Variants in AGBL1 observed in about 807,000 individuals in gnomAD.
AGBL1 encodes the protein AGBL carboxypeptidase 1.
In AGBL1, 130 loss-of-function variants were observed where a neutral mutation model predicts 118.9. The observed-to-expected ratio is 1.09, with a 90% confidence interval of 0.95 to 1.26. AGBL1 has a LOEUF of 1.26. Ranked by LOEUF, AGBL1 falls within the 50% of genes most tolerant of loss-of-function variation. The pLI is 0.00. For synonymous variants in AGBL1, 555 were observed against 478.9 expected, an observed-to-expected ratio of 1.16 and a Z score of -2.08; for missense variants, 1,584 against 1,298.1, an observed-to-expected ratio of 1.22 and a Z score of -3.38.
chr15:86,524,862 T>C (rs2083241755), intron 19 of AGBL1, among the ~76,000 whole-genome samples: 1 of 152,174 alleles, frequency 6.6e-6, no homozygotes. Flanking sequence ...AAGTGGATTC[T>C]TTTCTCTTAA....
At chr15:86,082,367 G>T (rs1178660390) in intron 1 of AGBL1, among the ~76,000 whole-genome samples, 1 of 152,196 alleles carries the variant, frequency 6.6e-6, no homozygotes, top group Non-Finnish European at 1.5e-5. Context: ...TGTGCACAAG[G>T]TGACAGACAG....
At position 86,115,355 on chromosome 15, in the gene AGBL1, C is replaced by T. The variant is rs552873238; in HGVS notation, c.52-26649C>T. Among the ~76,000 whole-genome samples the T allele has an allele frequency of 3.3e-5, 5 of 152,304 alleles. No individual in the cohort carries two copies. In the South Asian group the frequency reaches 1.0e-3, roughly 32 times the overall value. On this transcript the variant is annotated intron_variant, in intron 1 of 22. Coordinates refer to ENST00000614907, the MANE Select transcript of AGBL1 (RefSeq NM_001386094.1). The stretch of plus-strand genomic sequence containing the variant: ...CCACTAGGTTGTGCTAGAGTATAAA[C>T]ATAGCACGATGTGCATTTCCTGGCA...
At chr15:86,783,910 C>G (rs953011982) in intron 22 of AGBL1, among the ~76,000 whole-genome samples, 1 of 152,152 alleles carries the variant, frequency 6.6e-6, no homozygotes, top group Non-Finnish European at 1.5e-5. Flanking sequence ...GGATTACAGG[C>G]GTGAGCCACC....
At chr15:86,269,860 T>A in intron 13 of AGBL1, 59 bp from the exon 14 acceptor site, 1 of 1,580,738 alleles carries the variant, frequency 6.3e-7, no homozygotes, top group Non-Finnish European at 8.6e-7. Context: ...ATTCTTAGTG[T>A]CTGAAGTTTA....
intron 17 of AGBL1, among the ~76,000 whole-genome samples, chr15:86,302,719 C>T (rs1433996999): frequency 1.4e-5 from 2 of 140,344 alleles, no homozygotes; most frequent in African/African-American, 5.3e-5. Flanking sequence ...GTGGAGGTTA[C>T]AGTGAGCTGA....
intron 21 of AGBL1, among the ~76,000 whole-genome samples, chr15:86,668,679 A>G (rs1042618572): frequency 6.6e-6 from 1 of 152,096 alleles, no homozygotes; most frequent in African/African-American, 2.4e-5. Context: ...CAGATACTAA[A>G]CCCTGTTCAC....
intron 7 of AGBL1, among the ~76,000 whole-genome samples, chr15:86,248,264 C>T (rs1297361550): frequency 6.6e-6 from 1 of 152,176 alleles, no homozygotes; most frequent in African/African-American, 2.4e-5. Flanking sequence ...TTGCAGTGAG[C>T]CGAGATCGCA....
intron 11 of AGBL1, among the ~76,000 whole-genome samples, 157 bp from the exon 12 acceptor site, chr15:86,266,217 A>G (rs1402128787): frequency 1.3e-5 from 2 of 152,188 alleles, no homozygotes; most frequent in African/African-American, 2.4e-5. Flanking sequence ...GGGCAGGGCT[A>G]TTTGTATGCT....
At chr15:86,480,700 G>A (rs1017509304) in intron 18 of AGBL1, among the ~76,000 whole-genome samples, 1 of 151,884 alleles carries the variant, frequency 6.6e-6, no homozygotes, top group Non-Finnish European at 1.5e-5. Context: ...CTGTCATACA[G>A]ACTCAAGCAG....
At chr15:86,321,005 C>A (rs1347499465) in intron 17 of AGBL1, among the ~76,000 whole-genome samples, 2 of 151,972 alleles carry the variant, frequency 1.3e-5, no homozygotes, top group Admixed American at 6.6e-5. Context: ...TTTGCTTTTA[C>A]TTTGTTTAGG....
intron 21 of AGBL1, among the ~76,000 whole-genome samples, chr15:86,560,235 C>T (rs1164045682): frequency 6.6e-6 from 1 of 151,782 alleles, no homozygotes; most frequent in African/African-American, 2.4e-5. Flanking sequence ...TGGTGTGCTA[C>T]ACCCATTAAC....
At chr15:86,884,434 C>T (rs961121541) in intron 22 of AGBL1, among the ~76,000 whole-genome samples, 1 of 152,158 alleles carries the variant, frequency 6.6e-6, no homozygotes, top group Admixed American at 6.5e-5. Context: ...GTTTTTGGAC[C>T]GAGGTTGACC....
intron 23 of AGBL1, among the ~76,000 whole-genome samples, chr15:86,944,833 G>T (rs1243902095): frequency 3.3e-5 from 5 of 152,118 alleles, no homozygotes; most frequent in Non-Finnish European, 5.9e-5. Context: ...GAATCTTTAA[G>T]ATAGAGTGAC....
chr15:86,867,937 A>C (rs1263860386), intron 22 of AGBL1, among the ~76,000 whole-genome samples: 1 of 152,206 alleles, frequency 6.6e-6, no homozygotes, highest in African/African-American at 2.4e-5. Flanking sequence ...GAATAAAGGA[A>C]ATAGCAATCG....
chr15:86,725,736 T>G (rs2086808793), intron 22 of AGBL1, among the ~76,000 whole-genome samples: 1 of 152,154 alleles, frequency 6.6e-6, no homozygotes, highest in Non-Finnish European at 1.5e-5. Context: ...ACATTGTGAG[T>G]TGTGTTCTGA....
At chr15:86,625,004 C>A (rs1467537876) in intron 21 of AGBL1, among the ~76,000 whole-genome samples, 1 of 152,132 alleles carries the variant, frequency 6.6e-6, no homozygotes, top group East Asian at 1.9e-4. Flanking sequence ...TTTGGCAGTG[C>A]CCGTGAGTGA....
At chr15:86,344,103 C>CAA (rs1446443334) in intron 17 of AGBL1, among the ~76,000 whole-genome samples, 1 of 152,162 alleles carries the variant, frequency 6.6e-6, no homozygotes, top group African/African-American at 2.4e-5. Flanking sequence ...ACTGGAGGGC[C>CAA]ATTTGAGTTG....
At chr15:86,987,225 T>TATG (rs1461165033) in intron 23 of AGBL1, among the ~76,000 whole-genome samples, 2 of 152,224 alleles carry the variant, frequency 1.3e-5, no homozygotes, top group Non-Finnish European at 2.9e-5. Flanking sequence ...TCACAGGGGA[T>TATG]ATGATGGCTT....
chr15:86,364,988 TACAC>T lies in AGBL1; in HGVS notation c.2375-32370_2375-32367del, dbSNP rs1226981308. On this transcript the variant is annotated intron_variant, in intron 17 of 22. Transcript: ENST00000614907. ...ATATATATATATATATATATATATA[TACAC>T]ACACACATATATATATACACACACA... Among the ~76,000 whole-genome samples the T allele has an allele frequency of 2.8e-3, 294 of 103,530 alleles. 7 individuals carry two copies. The highest frequency in any genetic ancestry group is 3.7e-3 in the Admixed American group (39 of 10,536). 67.9% of individuals were successfully genotyped at this position (103,530 alleles called of 152,430 possible). A position where few individuals can be genotyped will look rare whatever the true frequency, so the allele number is the denominator to read the frequency against.
Sources: gnomAD v4.1 joint callset for allele counts (sites outside exome capture counted in the v4.1 genomes callset) on GRCh38, gnomAD v4.1.1 for gene constraint, MANE v1.5 for transcripts, NCBI Gene and HGNC (gene_info 2026-07-23, HGNC 2026-07-21) for gene names.